SUMF1: variants seen among roughly 807,000 people sequenced by gnomAD.
The protein encoded by SUMF1 is sulfatase modifying factor 1, also known as formylglycine-generating enzyme.
Under a neutral mutation model 47.6 loss-of-function variants are expected in SUMF1, and 48 were observed. The observed-to-expected ratio is 1.01, with a 90% CI of 0.80 to 1.28. The LOEUF (loss-of-function observed/expected upper bound fraction) is 1.28. Among genes scored for constraint, SUMF1 ranks in the 50% most tolerant of loss-of-function variants. The probability of loss-of-function intolerance (pLI) is 0.00; values close to 1 mark genes in which losing one functional copy is unlikely to be tolerated. For missense variants in SUMF1, 571 were observed against 485.4 expected (o/e 1.18, Z -1.66); for synonymous variants, 230 against 192.1 (o/e 1.20, Z -1.63).
At chr3:4,391,868 C>T (rs1700877657) in intron 7 of SUMF1, among the ~76,000 whole-genome samples, 1 of 150,964 alleles carries the variant, frequency 6.6e-6, no homozygotes, top group Admixed American at 6.6e-5. Context: ...TGCTCTGTCA[C>T]ACAGGCTGGA....
rs776947270 is a variant in SUMF1 at position 4,313,661 on chromosome 3, C to G, written c.1014+62669G>C. The stretch of plus-strand genomic sequence containing the variant: ...CCTTTTGACAGTTCTCTGTACTGCC[C>G]CGTAGAAAAGTCGAACATCAGTTGT... On this transcript the variant is annotated intron_variant and NMD_transcript_variant, in intron 8 of 12. Coordinates refer to the SUMF1 transcript ENST00000448413. The G allele has an allele frequency of 2.5e-6, 4 of 1,613,962 alleles. 1 individual carries two copies. The Admixed American group carries it at 6.7e-5, about 27-fold the overall frequency.
At chr3:4,191,399 T>C (rs1383712918) in intron 8 of SUMF1, among the ~76,000 whole-genome samples, 1 of 152,032 alleles carries the variant, frequency 6.6e-6, no homozygotes, top group Non-Finnish European at 1.5e-5. Flanking sequence ...TGGTACCAAA[T>C]GAAGAAGTAA....
At chr3:4,213,321 A>C (rs978940121) in intron 8 of SUMF1, among the ~76,000 whole-genome samples, 3 of 152,184 alleles carry the variant, frequency 2.0e-5, no homozygotes, top group African/African-American at 7.2e-5. Flanking sequence ...TAAGCTTCAT[A>C]AGCCAAGGAG....
At chr3:4,056,645 T>A (rs1023880496) in intron 9 of SUMF1, among the ~76,000 whole-genome samples, 1 of 152,070 alleles carries the variant, frequency 6.6e-6, no homozygotes, top group East Asian at 1.9e-4. Context: ...GGTGACAGAG[T>A]GAGACGTCTC....
At chr3:4,430,306 T>C (rs990536557) in intron 3 of SUMF1, among the ~76,000 whole-genome samples, 5 of 152,144 alleles carry the variant, frequency 3.3e-5, no homozygotes, top group Admixed American at 6.5e-5. Flanking sequence ...ATCAAGTGTA[T>C]GGTAAGTCTT....
chr3:4,350,332 C>CGTGTGTGTGTGT (rs10674918), intron 8 of SUMF1, among the ~76,000 whole-genome samples: 2 of 146,572 alleles, frequency 1.4e-5, no homozygotes, highest in Non-Finnish European at 3.0e-5. Flanking sequence ...TGTGTATATG[C>CGTGTGTGTGTGT]GTGTGTGTGT....
intron 8 of SUMF1, among the ~76,000 whole-genome samples, chr3:4,292,601 T>C (rs1303224199): frequency 6.6e-6 from 1 of 152,216 alleles, no homozygotes; most frequent in Non-Finnish European, 1.5e-5. Context: ...TACTTTGTAC[T>C]TTCCCTTTGT....
intron 7 of SUMF1, among the ~76,000 whole-genome samples, chr3:4,398,782 C>A (rs913316418): frequency 5.3e-5 from 8 of 152,200 alleles, no homozygotes; most frequent in Non-Finnish European, 7.3e-5. Flanking sequence ...CATAGCGATT[C>A]CCATCTCTTA....
intron 8 of SUMF1, among the ~76,000 whole-genome samples, chr3:4,230,832 C>G (rs1451160591): frequency 6.6e-6 from 1 of 152,062 alleles, no homozygotes; most frequent in Non-Finnish European, 1.5e-5. Flanking sequence ...TCCTATCACT[C>G]CGGAGATTCC....
At chr3:4,413,640 C>G (rs773421842) in intron 6 of SUMF1, among the ~76,000 whole-genome samples, 2 of 151,992 alleles carry the variant, frequency 1.3e-5, no homozygotes, top group African/African-American at 2.4e-5. Context: ...AGCTGATATG[C>G]GTTAAAGCCA....
rs1443637778 is a variant in SUMF1, at chr3:4,456,925, TATATATATAC to T, written c.271-3886_271-3877del. ...GTGTATATCTATATACGTGTGTGTG[TATATATATAC>T]GTGTGTGTACATATATACGTGTGTG... On this transcript the variant is annotated intron_variant, in intron 1 of 8. Coordinates refer to ENST00000272902, the MANE Select transcript of SUMF1 (RefSeq NM_182760.4). Among the ~76,000 whole-genome samples the T allele has an allele frequency of 2.3e-3, 323 of 141,562 alleles. 5 individuals are homozygous for T. The highest frequency in any genetic ancestry group is 7.0e-3 in the East Asian group (32 of 4,602). 92.9% of individuals were successfully genotyped at this position (141,562 alleles called of 152,430 possible).
At position 4,075,800 on chromosome 3, in the gene SUMF1, C is replaced by T. The variant is rs1012219980; in HGVS notation, c.1015-7055G>A. 1.4e-4 allele frequency among the ~76,000 whole-genome samples: 22 copies of T among 152,036 alleles called. 1 individual carries two copies. Among genetic ancestry groups the T allele is most frequent in the Admixed American group, 3.3e-4 (5 of 15,262 alleles). On this transcript the variant is annotated intron_variant and NMD_transcript_variant, in intron 8 of 12. Coordinates refer to the SUMF1 transcript ENST00000448413. ...TTACAAGGAATGTGAAGGACCCCTTCAAGGAGAACTACAAACCACTGCTCA... is the reference window on the plus strand; with the variant it reads ...TTACAAGGAATGTGAAGGACCCCTTTAAGGAGAACTACAAACCACTGCTCA...
chr3:4,289,115 C>T (rs1697691721), intron 8 of SUMF1, among the ~76,000 whole-genome samples: 1 of 152,168 alleles, frequency 6.6e-6, no homozygotes, highest in Non-Finnish European at 1.5e-5. Flanking sequence ...CCAGCCAAAC[C>T]AGAACTGAAC....
intron 8 of SUMF1, among the ~76,000 whole-genome samples, chr3:4,129,873 A>T (rs935815948): frequency 6.6e-6 from 1 of 152,102 alleles, no homozygotes; most frequent in African/African-American, 2.4e-5. Flanking sequence ...TCATCCTGTC[A>T]TCATTTCCCC....
intron 7 of SUMF1, among the ~76,000 whole-genome samples, chr3:4,379,273 T>A (rs1014854114): frequency 2.0e-5 from 3 of 152,216 alleles, no homozygotes; most frequent in African/African-American, 7.2e-5. Context: ...TGCAGACTTG[T>A]AATTTTTGTA....
chr3:4,355,672 A>G (rs1699602378), intron 8 of SUMF1, among the ~76,000 whole-genome samples: 1 of 152,360 alleles, frequency 6.6e-6, no homozygotes, highest in South Asian at 2.1e-4. Flanking sequence ...ATATGCTAGA[A>G]AAGAGTTGCT....
intron 3 of SUMF1, among the ~76,000 whole-genome samples, chr3:4,436,465 G>A (rs1702402607): frequency 6.6e-6 from 1 of 151,980 alleles, no homozygotes; most frequent in African/African-American, 2.4e-5. Context: ...TCAAAAGTGA[G>A]GTTAAGAGAC....
chr3:4,349,713 C>T (rs1381559948), intron 8 of SUMF1, among the ~76,000 whole-genome samples: 1 of 152,152 alleles, frequency 6.6e-6, no homozygotes, highest in East Asian at 1.9e-4. Context: ...AAGCCATTAT[C>T]CTCAGCAAAC....
At chr3:4,173,682 T>C (rs559823640) in intron 8 of SUMF1, among the ~76,000 whole-genome samples, 2 of 152,282 alleles carry the variant, frequency 1.3e-5, no homozygotes, top group African/African-American at 4.8e-5. Flanking sequence ...ATATACACCA[T>C]AGAATACTAT....
Sources: gnomAD v4.1 joint callset for allele counts (sites outside exome capture counted in the v4.1 genomes callset) on GRCh38, gnomAD v4.1.1 for gene constraint, MANE v1.5 for transcripts, NCBI Gene and HGNC (gene_info 2026-07-23, HGNC 2026-07-21) for gene names.